The following STAU1 variants were observed in gnomAD, a reference collection of about 807,000 sequenced individuals.
STAU1 encodes the protein double-stranded RNA-binding protein Staufen homolog 1.
STAU1 carries 13 observed loss-of-function variants against 62.9 expected under a neutral mutation model. That is an observed-to-expected ratio of 0.21 (90% CI 0.13 to 0.33). The LOEUF is 0.33. Among genes scored for constraint, STAU1 ranks in the 10% least tolerant of loss-of-function variants. The pLI, the probability that STAU1 is intolerant of heterozygous loss-of-function variation, is 1.00. For missense variants in STAU1, 571 were observed against 712.1 expected (o/e 0.80, Z 2.25); for synonymous variants, 269 against 265.1 (o/e 1.01, Z -0.14).
chr20:49,219,220 A>T, the STAU1 span: 1 of 819,476 alleles, frequency 1.2e-6, no homozygotes, highest in Non-Finnish European at 1.9e-6. Flanking sequence ...GGCCGGAGAC[A>T]ATGGAATTTG....
At chr20:49,217,095 G>A in the STAU1 span, among the ~76,000 whole-genome samples, 1 of 152,150 alleles carries the variant, frequency 6.6e-6, no homozygotes. Flanking sequence ...CGTTGCTGGT[G>A]CTCTGGCTGG....
At chr20:49,212,615 A>ATTTTTTTTTTTTTT in the STAU1 span, among the ~76,000 whole-genome samples, 649 of 85,158 alleles carry the variant, frequency 7.6e-3, 47 homozygotes, top group Middle Eastern at 0.027. Context: ...AGCTATTGGA[A>ATTTTTTTTTTTTTT]TTTTTTTTTT....
intron 6 of STAU1, among the ~76,000 whole-genome samples, chr20:49,125,497 T>G (rs1033532004): frequency 2.4e-5 from 3 of 124,706 alleles, no homozygotes; most frequent in Non-Finnish European, 4.7e-5. Context: ...AAAACTGCAC[T>G]CCAGCCTAAG....
chr20:49,153,732 A>C (rs1471217499), intron 4 of STAU1, among the ~76,000 whole-genome samples: 1 of 146,948 alleles, frequency 6.8e-6, no homozygotes, highest in Non-Finnish European at 1.5e-5. Flanking sequence ...AAAAAAAAAA[A>C]AAAAAAAAAA....
At chr20:49,165,333 G>A (rs750027094) in intron 3 of STAU1, among the ~76,000 whole-genome samples, 6 of 150,386 alleles carry the variant, frequency 4.0e-5, no homozygotes, top group East Asian at 2.0e-4. Flanking sequence ...GTGAGCCACC[G>A]CGCCCGGCCT....
chr20:49,201,065 A>G, the STAU1 span, among the ~76,000 whole-genome samples: 7 of 126,024 alleles, frequency 5.6e-5, 1 homozygote, highest in Admixed American at 3.6e-4. Flanking sequence ...AAAAAAAAAA[A>G]AAAAAAAAGA....
In STAU1 at chr20:49,153,920, A is replaced by C. The variant is rs774842117; in HGVS notation, c.344+13T>G. ...CCTGTATTTTACAAAAAAAAAAAAAAAAAAACACATACCTCGGGGGATAAG... is the reference window on the plus strand; with the variant it reads ...CCTGTATTTTACAAAAAAAAAAAAACAAAAACACATACCTCGGGGGATAAG... On this transcript the variant is annotated intron_variant, in intron 4 of 13. Transcript: ENST00000371856. 5 of 1,557,902 alleles carry C rather than the reference A, an allele frequency of 3.2e-6. No individual in the cohort carries two copies. In the African/African-American group the frequency reaches 4.2e-5, roughly 13 times the overall value.
chr20:49,149,742 T>C (rs1336793380), intron 5 of STAU1, among the ~76,000 whole-genome samples: 5 of 152,224 alleles, frequency 3.3e-5, no homozygotes, highest in African/African-American at 9.6e-5. Flanking sequence ...ACAGATCATC[T>C]GTTAGAATAG....
the STAU1 span, among the ~76,000 whole-genome samples, chr20:49,208,466 G>T: frequency 6.6e-6 from 1 of 152,026 alleles, no homozygotes; most frequent in African/African-American, 2.4e-5. Context: ...GCCTCTCAAA[G>T]TGCTGGGATT....
At chr20:49,156,904 G>C (rs1012810039) in intron 3 of STAU1, among the ~76,000 whole-genome samples, 1 of 149,136 alleles carries the variant, frequency 6.7e-6, no homozygotes, top group Non-Finnish European at 1.5e-5. Context: ...AAGAGACACA[G>C]TCTCACTCTG....
chr20:49,163,804 G>A (rs1268056501), intron 3 of STAU1, among the ~76,000 whole-genome samples: 1 of 152,026 alleles, frequency 6.6e-6, no homozygotes, highest in Non-Finnish European at 1.5e-5. Flanking sequence ...TCAGTCTGTT[G>A]CCCAGGCTGG....
chr20:49,195,939 A>C, the STAU1 span, among the ~76,000 whole-genome samples: 1 of 127,390 alleles, frequency 7.8e-6, no homozygotes, highest in African/African-American at 2.6e-5. Context: ...AAAAAAAAAC[A>C]AAGAAACAAC....
chr20:49,123,115 G>A lies in STAU1; in HGVS notation c.943C>T (p.Arg315Cys). 3.1e-6 allele frequency: 5 copies of A among 1,610,670 alleles called. No homozygotes were observed. The highest frequency in any genetic ancestry group is 4.2e-6 in the Non-Finnish European group (5 of 1,178,254). ...YTLLTERGLP[R>C]RREFVMQVKV... Reference sequence around the variant, plus strand: ...ACCTGCATCACAAACTCCCTGCGGCGCGGGAGGCCTCGCTCTGTGAGGAGC... The same window carrying A: ...ACCTGCATCACAAACTCCCTGCGGCACGGGAGGCCTCGCTCTGTGAGGAGC... Residue 315 changes from arginine to cysteine, a missense_variant, in exon 8 of 14, where the codon CGC becomes TGC. Arg to Cys is a radical substitution (Grantham distance 180). This residue lies in a region of STAU1 where 414 missense variants were observed against 499.6 expected (regional missense o/e 0.83). Coordinates refer to ENST00000371856, the MANE Select transcript of STAU1 (RefSeq NM_017453.4).
chr20:49,196,493 A>G, the STAU1 span, among the ~76,000 whole-genome samples: 35 of 146,666 alleles, frequency 2.4e-4, 1 homozygote, highest in South Asian at 7.2e-3. Flanking sequence ...AAGAAAAGAA[A>G]TAGCAACATG....
At chr20:49,164,810 T>C (rs1683589293) in intron 3 of STAU1, among the ~76,000 whole-genome samples, 1 of 152,162 alleles carries the variant, frequency 6.6e-6, no homozygotes, top group Non-Finnish European at 1.5e-5. Context: ...AAACTCTGCT[T>C]CTTTATTCCA....
chr20:49,154,169 A>G (rs1383202050), intron 3 of STAU1, 98 bp from the exon 4 acceptor site: 5 of 1,295,678 alleles, frequency 3.9e-6, no homozygotes, highest in Non-Finnish European at 5.2e-6. Context: ...AATTGGATTC[A>G]TGATACTTTA....
chr20:49,157,872 C>T (rs2146302376), intron 3 of STAU1, among the ~76,000 whole-genome samples: 1 of 152,300 alleles, frequency 6.6e-6, no homozygotes, highest in Non-Finnish European at 1.5e-5. Flanking sequence ...ATCCTCTCGC[C>T]TCAGCCTTCC....
intron 1 of STAU1, among the ~76,000 whole-genome samples, chr20:49,176,149 A>AT (rs2093658377): frequency 6.6e-6 from 1 of 152,124 alleles, no homozygotes; most frequent in Non-Finnish European, 1.5e-5. Flanking sequence ...CATAAGACTG[A>AT]TTTTCAAACC....
the STAU1 span, among the ~76,000 whole-genome samples, chr20:49,199,527 C>T: frequency 6.6e-6 from 1 of 151,710 alleles, no homozygotes; most frequent in African/African-American, 2.4e-5. Context: ...CCGCGCCCGG[C>T]CATGTTTATT....
Sources: allele counts gnomAD v4.1 joint callset (sites outside exome capture counted in the v4.1 genomes callset), GRCh38; gene constraint gnomAD v4.1.1; regional missense constraint gnomAD v4.1.1; transcripts MANE v1.5; gene names NCBI Gene and HGNC (gene_info 2026-07-23, HGNC 2026-07-21).